Variants in SDK1 observed in about 807,000 individuals in gnomAD.
The protein encoded by SDK1 is protein sidekick-1.
Under a neutral mutation model 245.5 loss-of-function variants are expected in SDK1, and 157 were observed. The ratio of observed to expected loss-of-function variants is 0.64; its 90% CI spans 0.56 to 0.73. SDK1 has a LOEUF of 0.73. SDK1 is among the 30% of genes least tolerant of loss of function. The pLI, the probability that SDK1 is intolerant of heterozygous loss-of-function variation, is 0.00. For synonymous variants in SDK1, 1,647 were observed against 1,278.5 expected (o/e 1.29, Z -6.15); for missense variants, 3,583 against 3,002.3 (o/e 1.19, Z -4.52).
At chr7:4,096,677 C>A (rs914270915) in intron 22 of SDK1, among the ~76,000 whole-genome samples, 9 of 152,060 alleles carry the variant, frequency 5.9e-5, no homozygotes, top group African/African-American at 2.2e-4. Flanking sequence ...ACACTGTGAC[C>A]TTCAGAGGAA....
rs544797498 is a variant in SDK1, at chr7:4,172,438, C to A, written c.4801-1784C>A. 6.6e-5 allele frequency among the ~76,000 whole-genome samples: 10 copies of A among 152,296 alleles called. No individual in the cohort carries two copies. The South Asian group carries it at 1.9e-3, about 28-fold the overall frequency. ...CCATTCTGTCGGAGAGCCTGGGGAG[C>A]AAAGAACACCGCTTCCTCCACGTTT... On this transcript the variant is annotated intron_variant, in intron 32 of 44. Transcript: ENST00000404826.
chr7:3,365,759 G>A (rs1046661873), intron 1 of SDK1, among the ~76,000 whole-genome samples: 25 of 152,094 alleles, frequency 1.6e-4, no homozygotes, highest in Admixed American at 4.6e-4. Flanking sequence ...CAGGCTGGGC[G>A]TGGTGGCTCA....
chr7:3,542,394 T>A (rs934634104), intron 1 of SDK1, among the ~76,000 whole-genome samples: 1 of 152,188 alleles, frequency 6.6e-6, no homozygotes, highest in Non-Finnish European at 1.5e-5. Flanking sequence ...CATGACCCTT[T>A]GCTTTACACC....
At chr7:3,438,114 G>A (rs1780083168) in intron 1 of SDK1, among the ~76,000 whole-genome samples, 1 of 152,156 alleles carries the variant, frequency 6.6e-6, no homozygotes, top group Non-Finnish European at 1.5e-5. Context: ...CTAGCCCCCT[G>A]CATCCTGCCT....
At chr7:3,448,209 T>G (rs1780405750) in intron 1 of SDK1, among the ~76,000 whole-genome samples, 1 of 152,232 alleles carries the variant, frequency 6.6e-6, no homozygotes, top group South Asian at 2.1e-4. Flanking sequence ...TAAGCAAATG[T>G]GATCGGTGAA....
chr7:4,183,640 C>CA (rs548155248), intron 35 of SDK1, among the ~76,000 whole-genome samples: 13,001 of 72,728 alleles, frequency 0.18, 841 homozygotes, highest in African/African-American at 0.25. Flanking sequence ...GACTCCGTCT[C>CA]AAAAAAAAAA....
At chr7:4,220,020 A>G (rs1584474604) in intron 38 of SDK1, 89 bp from the exon 39 acceptor site, 1 of 1,469,582 alleles carries the variant, frequency 6.8e-7, no homozygotes, top group Non-Finnish European at 9.2e-7. Context: ...TGCAGGGACC[A>G]CTTTCCTTGT....
intron 20 of SDK1, among the ~76,000 whole-genome samples, chr7:4,070,713 T>C (rs911979163): frequency 7.7e-6 from 1 of 129,862 alleles, no homozygotes; most frequent in African/African-American, 3.8e-5. Flanking sequence ...CTCTCAAATT[T>C]TTTTTTTTTT....
At chr7:3,933,669 T>C (rs1780059231) in intron 5 of SDK1, among the ~76,000 whole-genome samples, 1 of 152,176 alleles carries the variant, frequency 6.6e-6, no homozygotes. Flanking sequence ...TTGATATATT[T>C]GTATAAACCT....
intron 1 of SDK1, among the ~76,000 whole-genome samples, chr7:3,475,737 A>G (rs1376271197): frequency 6.6e-6 from 1 of 152,188 alleles, no homozygotes; most frequent in African/African-American, 2.4e-5. Context: ...TGAATCATTG[A>G]CTCAAAAGAA....
At chr7:3,512,979 T>G (rs1323210224) in intron 1 of SDK1, among the ~76,000 whole-genome samples, 1 of 152,190 alleles carries the variant, frequency 6.6e-6, no homozygotes, top group East Asian at 1.9e-4. Context: ...TTGAGATGAT[T>G]GTGCCTGAAA....
intron 5 of SDK1, among the ~76,000 whole-genome samples, chr7:3,836,555 A>T (rs1035528031): frequency 6.6e-6 from 1 of 152,184 alleles, no homozygotes; most frequent in African/African-American, 2.4e-5. Context: ...AGCACTTTCA[A>T]TATGGTTTGG....
At chr7:3,428,523 C>A (rs1175356149) in intron 1 of SDK1, among the ~76,000 whole-genome samples, 2 of 152,176 alleles carry the variant, frequency 1.3e-5, no homozygotes, top group Non-Finnish European at 2.9e-5. Context: ...CACAATCTGT[C>A]TCTTAATGCT....
intron 4 of SDK1, among the ~76,000 whole-genome samples, chr7:3,716,715 C>T (rs10251183): frequency 0.15 from 21,714 of 149,656 alleles, 2,478 homozygotes; most frequent in African/African-American, 0.32. Context: ...GCTATTACGG[C>T]GCCATTGCAC....
intron 5 of SDK1, among the ~76,000 whole-genome samples, chr7:3,834,160 G>T (rs79573950): frequency 2.0e-5 from 3 of 152,186 alleles, no homozygotes; most frequent in African/African-American, 4.8e-5. Flanking sequence ...TAGAGTCTCT[G>T]TCTCACTTCT....
chr7:3,882,301 T>G (rs1415416294), intron 5 of SDK1, among the ~76,000 whole-genome samples: 7 of 152,116 alleles, frequency 4.6e-5, no homozygotes, highest in Non-Finnish European at 7.4e-5. Context: ...GGGGTGGCTG[T>G]AGAGGCCCAC....
At chr7:3,691,296 T>C (rs1173896543) in intron 4 of SDK1, among the ~76,000 whole-genome samples, 1 of 152,196 alleles carries the variant, frequency 6.6e-6, no homozygotes. Context: ...TGAAAATGTC[T>C]TATGTTGATA....
At chr7:3,350,093 A>G (rs1223807015) in intron 1 of SDK1, among the ~76,000 whole-genome samples, 2 of 152,142 alleles carry the variant, frequency 1.3e-5, no homozygotes, top group Non-Finnish European at 2.9e-5. Flanking sequence ...ATGGGTGGGT[A>G]AGGTACCTAC....
intron 5 of SDK1, among the ~76,000 whole-genome samples, chr7:3,903,066 A>G (rs1052174236): frequency 1.2e-4 from 18 of 152,150 alleles, no homozygotes; most frequent in Non-Finnish European, 2.6e-4. Flanking sequence ...AATGCAAATC[A>G]ATACCACAGT....
Sources: allele counts gnomAD v4.1 joint callset (sites outside exome capture counted in the v4.1 genomes callset), GRCh38; gene constraint gnomAD v4.1.1; transcripts MANE v1.5; gene names NCBI Gene and HGNC (gene_info 2026-07-23, HGNC 2026-07-21).